CPEB1: variants seen among roughly 807,000 people sequenced by gnomAD.
CPEB1 encodes cytoplasmic polyadenylation element binding protein 1.
Under a neutral mutation model 65.8 loss-of-function variants are expected in CPEB1, and 7 were observed. The observed-to-expected ratio is 0.11, with a 90% CI of 0.06 to 0.20. The LOEUF is 0.20. CPEB1 is among the 10% of genes least tolerant of loss of function. The pLI is 1.00. For missense variants in CPEB1, 551 were observed against 712.2 expected (o/e 0.77, Z 2.58); for synonymous variants, 262 against 260.0 (o/e 1.01, Z -0.08).
intron 3 of CPEB1, among the ~76,000 whole-genome samples, chr15:82,592,685 T>C (rs2042354784): frequency 6.6e-6 from 1 of 152,060 alleles, no homozygotes; most frequent in Admixed American, 6.6e-5. Context: ...ACTTCATTGC[T>C]AAAGAATCCT....
At chr15:82,593,733 A>G (rs1344974120) in intron 3 of CPEB1, among the ~76,000 whole-genome samples, 2 of 152,354 alleles carry the variant, frequency 1.3e-5, no homozygotes, top group Non-Finnish European at 2.9e-5. Flanking sequence ...TTCTTAAATA[A>G]TAAGACTTGA....
chr15:82,629,501 T>C (rs2046061898), intron 1 of CPEB1: 1 of 985,386 alleles, frequency 1.0e-6, no homozygotes. Flanking sequence ...ATTCTTTTGG[T>C]ATTCCCTATC....
At chr15:82,595,756 A>G (rs1255200191) in intron 3 of CPEB1, among the ~76,000 whole-genome samples, 1 of 152,248 alleles carries the variant, frequency 6.6e-6, no homozygotes, top group Non-Finnish European at 1.5e-5. Flanking sequence ...TTTATTTTTT[A>G]AAAAGCATAT....
chr15:82,595,453 T>C (rs988391351), intron 3 of CPEB1, among the ~76,000 whole-genome samples: 2 of 152,204 alleles, frequency 1.3e-5, no homozygotes, highest in Non-Finnish European at 2.9e-5. Context: ...TGATCAACAA[T>C]TGTTACTGCC....
At chr15:82,617,063 CCTACCT>C (rs973077944) in intron 3 of CPEB1, among the ~76,000 whole-genome samples, 2 of 152,222 alleles carry the variant, frequency 1.3e-5, no homozygotes, top group African/African-American at 4.8e-5. Context: ...TCCTTTCCTA[CCTACCT>C]CTGAGTCCTC....
chr15:82,590,339 TTTAAA>T (rs1424666094), intron 3 of CPEB1, among the ~76,000 whole-genome samples: 1 of 152,108 alleles, frequency 6.6e-6, no homozygotes, highest in Non-Finnish European at 1.5e-5. Context: ...TGGTCACATA[TTTAAA>T]TTATATAATT....
chr15:82,575,163 C>T (rs1453028305), intron 3 of CPEB1, among the ~76,000 whole-genome samples: 1 of 152,176 alleles, frequency 6.6e-6, no homozygotes, highest in Non-Finnish European at 1.5e-5. Flanking sequence ...GTTGAACCAA[C>T]CTAAGTCTGG....
intron 4 of CPEB1, among the ~76,000 whole-genome samples, chr15:82,566,605 C>A (rs1357019581): frequency 1.3e-5 from 2 of 152,162 alleles, no homozygotes; most frequent in Admixed American, 6.5e-5. Context: ...GCCCTTCTCC[C>A]CAGTATAACT....
intron 3 of CPEB1, among the ~76,000 whole-genome samples, chr15:82,577,499 A>C: frequency 6.6e-6 from 1 of 152,166 alleles, no homozygotes; most frequent in South Asian, 2.1e-4. Flanking sequence ...ACATAGTAGT[A>C]ATCTCAAATC....
At chr15:82,629,731 C>A in intron 1 of CPEB1, 1 of 985,386 alleles carries the variant, frequency 1.0e-6, no homozygotes. Context: ...GAAACTGGCA[C>A]TTAATATCTC....
intron 3 of CPEB1, among the ~76,000 whole-genome samples, chr15:82,614,330 T>C (rs1265833306): frequency 6.6e-6 from 1 of 152,142 alleles, no homozygotes; most frequent in Non-Finnish European, 1.5e-5. Flanking sequence ...TTGACCTGGG[T>C]AGTGGTTATG....
At chr15:82,608,272 T>A (rs935824335) in intron 3 of CPEB1, among the ~76,000 whole-genome samples, 2 of 152,068 alleles carry the variant, frequency 1.3e-5, no homozygotes, top group African/African-American at 4.8e-5. Flanking sequence ...GCCTCTGATT[T>A]TTTTTTTTAA....
chr15:82,576,570 G>A (rs2040672615), intron 3 of CPEB1, among the ~76,000 whole-genome samples: 1 of 152,174 alleles, frequency 6.6e-6, no homozygotes, highest in African/African-American at 2.4e-5. Flanking sequence ...ATGACAAGAT[G>A]TTCACTGTTC....
At chr15:82,612,963 C>A (rs949279346) in intron 3 of CPEB1, among the ~76,000 whole-genome samples, 7 of 151,782 alleles carry the variant, frequency 4.6e-5, no homozygotes, top group Admixed American at 6.6e-5. Flanking sequence ...GTGGCTTCAG[C>A]AATGAATTAT....
At chr15:82,647,775 G>T (rs182071420), upstream of CPEB1, 1,195 of 1,192,966 alleles carry the variant, frequency 1.0e-3, 13 homozygotes, top group African/African-American at 0.018. Flanking sequence ...GTACCGCGGC[G>T]CCGGACCCGG....
chr15:82,620,103 T>C (rs1003370873), intron 3 of CPEB1, among the ~76,000 whole-genome samples: 1 of 152,132 alleles, frequency 6.6e-6, no homozygotes, highest in African/African-American at 2.4e-5. Context: ...TGGATGAAAC[T>C]CACAGCTAAA....
chr15:82,604,406 C>T (rs868819151), intron 3 of CPEB1, among the ~76,000 whole-genome samples: 14 of 151,076 alleles, frequency 9.3e-5, no homozygotes, highest in Non-Finnish European at 1.6e-4. Context: ...GGTGAGAACC[C>T]AGGAGGCGGA....
intron 3 of CPEB1, among the ~76,000 whole-genome samples, chr15:82,602,050 C>A (rs1174429798): frequency 6.6e-6 from 1 of 152,182 alleles, no homozygotes; most frequent in East Asian, 1.9e-4. Flanking sequence ...AACATCTGCT[C>A]AGTACACTGT....
intron 3 of CPEB1, among the ~76,000 whole-genome samples, chr15:82,579,802 C>T (rs1596058079): frequency 1.3e-5 from 2 of 150,298 alleles, no homozygotes; most frequent in East Asian, 2.0e-4. Flanking sequence ...GTCCCAGCTA[C>T]TCGGGAGGCT....
Sources: gnomAD v4.1 joint callset for allele counts (sites outside exome capture counted in the v4.1 genomes callset) on GRCh38, gnomAD v4.1.1 for gene constraint, MANE v1.5 for transcripts, NCBI Gene and HGNC (gene_info 2026-07-23, HGNC 2026-07-21) for gene names.